SH3KBP1: variants seen among roughly 807,000 people sequenced by gnomAD.
SH3KBP1 encodes SH3 domain-containing kinase-binding protein 1.
Under a neutral mutation model 50.1 loss-of-function variants are expected in SH3KBP1, and 8 were observed. The observed-to-expected ratio is 0.16, with a 90% CI of 0.09 to 0.29. The LOEUF (loss-of-function observed/expected upper bound fraction) is 0.29, where lower values mean the gene tolerates loss of function less well. Among genes scored for constraint, SH3KBP1 ranks in the 10% least tolerant of loss-of-function variants. SH3KBP1 has a pLI of 1.00. For missense variants in SH3KBP1, 377 were observed against 535.2 expected (o/e 0.70, Z 2.92); for synonymous variants, 227 against 218.6 (o/e 1.04, Z -0.34).
chrX:19,811,708 G>A (rs988369344), intron 2 of SH3KBP1, among the ~76,000 whole-genome samples: 6 of 111,736 alleles, frequency 5.4e-5, no homozygotes, highest in Non-Finnish European at 9.4e-5. Context: ...CCACTGCGCC[G>A]ATACTACCTA....
At chrX:19,557,495 A>G (rs1353048105) in intron 13 of SH3KBP1, among the ~76,000 whole-genome samples, 1 of 112,317 alleles carries the variant, frequency 8.9e-6, no homozygotes, top group Non-Finnish European at 1.9e-5. Context: ...CAATCATCCT[A>G]TATCAGCACT....
chrX:19,659,653 A>G (rs4630061), intron 6 of SH3KBP1, among the ~76,000 whole-genome samples: 17,289 of 111,864 alleles, frequency 0.15, 1,066 homozygotes, highest in African/African-American at 0.19. Flanking sequence ...GGAGATCCCA[A>G]AACAGATTAA....
Position 19,823,939 on chromosome X carries a change from A to G in SH3KBP1, c.162+12186T>C, listed in dbSNP as rs572503532. ...CAGGTTCAAGCGATTTTTGTGCCTC[A>G]GCCTCTGAGTAGCTGGGACTACAGG... On this transcript the variant is annotated intron_variant, in intron 2 of 17. Coordinates refer to ENST00000397821, the MANE Select transcript of SH3KBP1 (RefSeq NM_031892.3). Among the ~76,000 whole-genome samples, 32 of 111,608 alleles carry G rather than the reference A, an allele frequency of 2.9e-4. No individual in the cohort carries two copies. In the South Asian group the frequency reaches 0.012, roughly 41 times the overall value.
intron 1 of SH3KBP1, among the ~76,000 whole-genome samples, chrX:19,838,928 A>C (rs2068143048): frequency 9.1e-6 from 1 of 110,011 alleles, no homozygotes; most frequent in Non-Finnish European, 1.9e-5. Flanking sequence ...AAGGAAAAAA[A>C]GAAAGAAAGA....
At chrX:19,883,480 T>A (rs959111720) in intron 1 of SH3KBP1, among the ~76,000 whole-genome samples, 2 of 111,661 alleles carry the variant, frequency 1.8e-5, no homozygotes, top group Non-Finnish European at 3.8e-5. Flanking sequence ...TGATATGAAG[T>A]AGCCACAGAT....
intron 2 of SH3KBP1, among the ~76,000 whole-genome samples, chrX:19,801,294 C>T (rs2066883072): frequency 8.9e-6 from 1 of 111,933 alleles, no homozygotes; most frequent in African/African-American, 3.3e-5. Flanking sequence ...GGGGAAGAGA[C>T]AGCAAGAACA....
At chrX:19,576,188 G>A (rs2066191329) in intron 12 of SH3KBP1, among the ~76,000 whole-genome samples, 1 of 111,333 alleles carries the variant, frequency 9.0e-6, no homozygotes, top group Admixed American at 9.6e-5. Context: ...TGGACACTTA[G>A]GACACATGAC....
At chrX:19,764,196 G>A (rs983725983) in intron 2 of SH3KBP1, among the ~76,000 whole-genome samples, 4 of 110,394 alleles carry the variant, frequency 3.6e-5, no homozygotes, top group Non-Finnish European at 7.6e-5. Flanking sequence ...CTGATTTTAG[G>A]AGCCTGGTTT....
intron 7 of SH3KBP1, among the ~76,000 whole-genome samples, chrX:19,637,316 T>C (rs2061731130): frequency 8.9e-6 from 1 of 112,338 alleles, no homozygotes; most frequent in South Asian, 3.7e-4. Context: ...TTTTGTATTT[T>C]AGAATGGCAC....
At chrX:19,824,390 C>T (rs1213095756) in intron 2 of SH3KBP1, among the ~76,000 whole-genome samples, 2 of 111,538 alleles carry the variant, frequency 1.8e-5, no homozygotes, top group Non-Finnish European at 3.8e-5. Flanking sequence ...TACCATTGTG[C>T]AAAATGAATG....
At chrX:19,813,000 A>G (rs2067251515) in intron 2 of SH3KBP1, among the ~76,000 whole-genome samples, 1 of 109,281 alleles carries the variant, frequency 9.2e-6, no homozygotes, top group South Asian at 4.0e-4. Context: ...AAAATTAGCT[A>G]GATGTGGTGG....
chrX:19,559,191 G>A (rs2065586866), intron 13 of SH3KBP1, among the ~76,000 whole-genome samples: 1 of 84,691 alleles, frequency 1.2e-5, no homozygotes, highest in African/African-American at 4.8e-5. Flanking sequence ...AGAATCGCTT[G>A]AACCCGGGAG....
At chrX:19,676,266 A>C (rs1253597485) in intron 6 of SH3KBP1, among the ~76,000 whole-genome samples, 1 of 110,680 alleles carries the variant, frequency 9.0e-6, no homozygotes, top group East Asian at 2.8e-4. Context: ...TTAAGGAACT[A>C]AGATCATCAC....
chrX:19,703,696 CTGTGTG>C (rs56915755), intron 4 of SH3KBP1, among the ~76,000 whole-genome samples: 6,645 of 63,269 alleles, frequency 0.11, 324 homozygotes, highest in Middle Eastern at 0.19. Context: ...AAAAGAGAAA[CTGTGTG>C]TGTGTGTGTG....
chrX:19,776,532 G>GTTTTTGTTTTTTTTTT (rs1175802634), intron 2 of SH3KBP1, among the ~76,000 whole-genome samples: 1 of 25,683 alleles, frequency 3.9e-5, no homozygotes, highest in African/African-American at 1.7e-4. Flanking sequence ...TGACAACCTG[G>GTTTTTGTTTTTTTTTT]TTTTTTTTTT....
chrX:19,720,857 G>A (rs1208997080), intron 3 of SH3KBP1, among the ~76,000 whole-genome samples: 1 of 111,251 alleles, frequency 9.0e-6, no homozygotes, highest in Non-Finnish European at 1.9e-5. Context: ...TAATCTTAGA[G>A]AATTACTGGG....
intron 13 of SH3KBP1, among the ~76,000 whole-genome samples, chrX:19,556,802 C>T (rs749796005): frequency 9.0e-4 from 99 of 110,593 alleles, no homozygotes; most frequent in Non-Finnish European, 1.5e-3. Flanking sequence ...CTCAGCCTCC[C>T]AATTAGCTAG....
At chrX:19,667,280 G>A (rs1602923773) in intron 6 of SH3KBP1, among the ~76,000 whole-genome samples, 1 of 111,758 alleles carries the variant, frequency 8.9e-6, no homozygotes, top group African/African-American at 3.2e-5. Flanking sequence ...AGTGATGACG[G>A]TTGCACAAAT....
chrX:19,780,275 T>A (rs1232508071), intron 2 of SH3KBP1, among the ~76,000 whole-genome samples: 3 of 99,405 alleles, frequency 3.0e-5, no homozygotes, highest in African/African-American at 1.1e-4. Context: ...CTTCGCCCAC[T>A]TTTTGATGGG....
Sources: gnomAD v4.1 joint callset for allele counts (sites outside exome capture counted in the v4.1 genomes callset) on GRCh38, gnomAD v4.1.1 for gene constraint, MANE v1.5 for transcripts, NCBI Gene and HGNC (gene_info 2026-07-23, HGNC 2026-07-21) for gene names.